Variants in FAM178B observed in about 807,000 individuals in gnomAD.
FAM178B encodes the protein protein FAM178B.
A neutral mutation model predicts 91.7 loss-of-function variants in FAM178B; 82 were observed. The ratio of observed to expected loss-of-function variants is 0.89; its 90% CI spans 0.75 to 1.07. The LOEUF is 1.07. Ranked by LOEUF, FAM178B falls within the 50% of genes least tolerant of loss-of-function variation. The probability of loss-of-function intolerance (pLI) is 0.00; values close to 1 mark genes in which losing one functional copy is unlikely to be tolerated. For synonymous variants in FAM178B, 368 were observed against 359.4 expected (o/e 1.02, Z -0.27); for missense variants, 769 against 846.7 (o/e 0.91, Z 1.14).
At chr2:96,967,018 T>C (rs75474607) in intron 5 of FAM178B, among the ~76,000 whole-genome samples, 2,981 of 152,248 alleles carry the variant, frequency 0.02, 103 homozygotes, top group African/African-American at 0.068. Context: ...CAGTGTGCCC[T>C]GAAGATGGAT....
At chr2:96,963,963 G>A (rs1462283986) in intron 5 of FAM178B, among the ~76,000 whole-genome samples, 2 of 152,190 alleles carry the variant, frequency 1.3e-5, no homozygotes, top group Non-Finnish European at 1.5e-5. Context: ...CTTGAGCCCT[G>A]GTGGCCAGGT....
intron 7 of FAM178B, among the ~76,000 whole-genome samples, chr2:96,948,801 C>A (rs928774998): frequency 1.3e-5 from 2 of 152,312 alleles, no homozygotes; most frequent in East Asian, 3.9e-4. Flanking sequence ...ACAGCCCTCA[C>A]CAAGTGTCTG....
chr2:96,913,640 G>A (rs1007887519), intron 12 of FAM178B, among the ~76,000 whole-genome samples: 1 of 152,224 alleles, frequency 6.6e-6, no homozygotes, highest in South Asian at 2.1e-4. Context: ...CTGCACTTCC[G>A]CTCCATCAGT....
At chr2:96,883,077 C>T (rs1167232148) in intron 14 of FAM178B, among the ~76,000 whole-genome samples, 2 of 152,242 alleles carry the variant, frequency 1.3e-5, no homozygotes, top group African/African-American at 4.8e-5. Flanking sequence ...GCTCTACAGC[C>T]TTCAAGGGGG....
At chr2:96,932,626 G>C (rs2081559131) in intron 8 of FAM178B, among the ~76,000 whole-genome samples, 2 of 152,296 alleles carry the variant, frequency 1.3e-5, no homozygotes, top group East Asian at 1.9e-4. Context: ...GGGAGCACCG[G>C]AACACTGTGT....
chr2:96,977,384 C>CAAAAA (rs754852439), intron 1 of FAM178B, among the ~76,000 whole-genome samples: 6 of 24,514 alleles, frequency 2.4e-4, no homozygotes, highest in Non-Finnish European at 6.2e-4. Flanking sequence ...GACTCCGTCT[C>CAAAAA]AAAAAAAAAA....
chr2:96,946,943 A>G (rs936208267), intron 8 of FAM178B, among the ~76,000 whole-genome samples: 2 of 152,214 alleles, frequency 1.3e-5, no homozygotes, highest in African/African-American at 4.8e-5. Context: ...CAACTCCTGA[A>G]GCAGAAGAGG....
At chr2:96,960,936 C>T (rs972764096) in intron 5 of FAM178B, among the ~76,000 whole-genome samples, 6 of 152,076 alleles carry the variant, frequency 3.9e-5, no homozygotes, top group Non-Finnish European at 5.9e-5. Flanking sequence ...GTGGCATGGG[C>T]GTGGGCGGAA....
At chr2:96,933,674 A>G (rs1574270098) in intron 8 of FAM178B, among the ~76,000 whole-genome samples, 1 of 151,968 alleles carries the variant, frequency 6.6e-6, no homozygotes, top group East Asian at 1.9e-4. Context: ...ATCCTCCCCA[A>G]CCCCCAAATC....
chr2:96,974,653 A>C (rs755528277), intron 1 of FAM178B, among the ~76,000 whole-genome samples: 2 of 152,202 alleles, frequency 1.3e-5, no homozygotes, highest in Non-Finnish European at 2.9e-5. Context: ...TGAAAATGCA[A>C]GTATGCAAAA....
intron 7 of FAM178B, chr2:96,950,205 A>T (rs1300655455): frequency 3.4e-5 from 33 of 981,354 alleles, no homozygotes; most frequent in Admixed American, 6.2e-5. Context: ...GTGCCTCCCA[A>T]TGCTCGATTG....
chr2:96,963,827 T>C (rs1293430617), intron 5 of FAM178B, among the ~76,000 whole-genome samples: 1 of 152,158 alleles, frequency 6.6e-6, no homozygotes, highest in East Asian at 1.9e-4. Context: ...CCTAAAATAT[T>C]TGCTATTTAC....
chr2:96,957,765 A>G (rs1055176466), intron 6 of FAM178B, among the ~76,000 whole-genome samples: 4 of 151,944 alleles, frequency 2.6e-5, no homozygotes, highest in Non-Finnish European at 5.9e-5. Context: ...TTCACCATCT[A>G]TCTATTTATT....
chr2:96,929,332 A>G lies in FAM178B; in HGVS notation c.1079-12T>C, dbSNP rs942341617. 2.6e-5 allele frequency: 40 copies of G among 1,535,238 alleles called. No homozygotes were observed. The highest frequency in any genetic ancestry group is 3.4e-5 in the Non-Finnish European group (38 of 1,132,344). ...GTGCTTGTCTTCATCTGTCAGGCCAAAAGGGAGCAGAGAGTTAGAATGGGG... is the reference window on the plus strand; with the variant it reads ...GTGCTTGTCTTCATCTGTCAGGCCAGAAGGGAGCAGAGAGTTAGAATGGGG... On this transcript the variant is annotated splice_polypyrimidine_tract_variant and intron_variant, in intron 8 of 16. Coordinates refer to ENST00000490605, the MANE Select transcript of FAM178B (RefSeq NM_001122646.3).
intron 10 of FAM178B, 36 bp downstream of exon 10, chr2:96,923,454 G>C (rs1329620043): frequency 1.0e-5 from 15 of 1,484,786 alleles, no homozygotes; most frequent in Middle Eastern, 1.7e-4. Context: ...ACTGTAAGCC[G>C]AGAGTGCCCT....
chr2:96,898,169 C>T, intron 13 of FAM178B: 2 of 964,826 alleles, frequency 2.1e-6, no homozygotes, highest in East Asian at 1.1e-4. Context: ...TAGGATTTCT[C>T]CAGCACTTGT....
intron 14 of FAM178B, among the ~76,000 whole-genome samples, chr2:96,879,821 C>T (rs939191222): frequency 2.6e-5 from 4 of 152,242 alleles, no homozygotes; most frequent in African/African-American, 9.6e-5. Context: ...CTCTGCCTGC[C>T]GGGTCCCTGC....
chr2:96,945,340 C>G (rs545885072), intron 8 of FAM178B, among the ~76,000 whole-genome samples: 1 of 151,222 alleles, frequency 6.6e-6, no homozygotes, highest in South Asian at 2.1e-4. Flanking sequence ...AGAGCACACC[C>G]GTAATAGTCA....
intron 16 of FAM178B, among the ~76,000 whole-genome samples, chr2:96,876,908 C>CTGAA (rs781034403): frequency 6.6e-6 from 1 of 152,074 alleles, no homozygotes; most frequent in Non-Finnish European, 1.5e-5. Flanking sequence ...AGCACAGGGG[C>CTGAA]TGAAGTTGGT....
Sources: allele counts gnomAD v4.1 joint callset (sites outside exome capture counted in the v4.1 genomes callset), GRCh38; gene constraint gnomAD v4.1.1; transcripts MANE v1.5; gene names NCBI Gene and HGNC (gene_info 2026-07-23, HGNC 2026-07-21).